The following GRM1 variants were observed in gnomAD, a reference collection of about 807,000 sequenced individuals.
The protein encoded by GRM1 is glutamate metabotropic receptor 1, also known as metabotropic glutamate receptor 1.
GRM1 carries 33 observed loss-of-function variants against 90.9 expected under a neutral mutation model. That is an observed-to-expected ratio of 0.36 (90% CI 0.28 to 0.49). The LOEUF is 0.49. Among genes scored for constraint, GRM1 ranks in the 20% least tolerant of loss-of-function variants. The pLI, the probability that GRM1 is intolerant of heterozygous loss-of-function variation, is 0.99. For missense variants in GRM1, 1,190 were observed against 1,534.3 expected (o/e 0.78, Z 3.75); for synonymous variants, 700 against 613.2 (o/e 1.14, Z -2.09).
At chr6:146,289,051 C>T (rs1467412922) in intron 2 of GRM1, among the ~76,000 whole-genome samples, 4 of 151,992 alleles carry the variant, frequency 2.6e-5, no homozygotes, top group African/African-American at 9.7e-5. Flanking sequence ...ATGACTGTTT[C>T]TTGTTTATAT....
intron 2 of GRM1, among the ~76,000 whole-genome samples, chr6:146,225,677 A>G (rs1309057165): frequency 6.6e-6 from 1 of 152,176 alleles, no homozygotes; most frequent in Non-Finnish European, 1.5e-5. Context: ...ACCAAATTTA[A>G]TAATGAAAAT....
intron 2 of GRM1, among the ~76,000 whole-genome samples, chr6:146,256,111 G>T (rs1469647371): frequency 3.9e-5 from 6 of 152,242 alleles, no homozygotes; most frequent in African/African-American, 1.4e-4. Context: ...AAGAGAATAG[G>T]CAAATAATTT....
chr6:146,421,587 T>A (rs1777994680), intron 7 of GRM1, among the ~76,000 whole-genome samples: 1 of 152,158 alleles, frequency 6.6e-6, no homozygotes, highest in African/African-American at 2.4e-5. Flanking sequence ...ATATCCTTAA[T>A]ATTTTCAAAA....
chr6:146,179,734 C>G (rs1262365894), intron 2 of GRM1, among the ~76,000 whole-genome samples: 3 of 152,172 alleles, frequency 2.0e-5, no homozygotes, highest in South Asian at 2.1e-4. Context: ...CCAGGATAGT[C>G]TCGATCTCCT....
At chr6:146,135,155 G>A (rs568322670) in intron 1 of GRM1, among the ~76,000 whole-genome samples, 4 of 152,218 alleles carry the variant, frequency 2.6e-5, no homozygotes, top group African/African-American at 7.2e-5. Flanking sequence ...AACCCTAAGA[G>A]GTGGTTACTA....
In GRM1 at chr6:146,031,582, A is replaced by G. The variant is rs573310610; in HGVS notation, c.700+1365A>G. Reference sequence around the variant, plus strand: ...TCAGATTTTGCTTTTGGAAAAAACTATCTGCTGTGATATTATAACTTTATA... The same window carrying G: ...TCAGATTTTGCTTTTGGAAAAAACTGTCTGCTGTGATATTATAACTTTATA... On this transcript the variant is annotated intron_variant, in intron 1 of 7. Coordinates refer to ENST00000282753, the MANE Select transcript of GRM1 (RefSeq NM_001278064.2). Among the ~76,000 whole-genome samples the G allele has an allele frequency of 3.5e-3, 538 of 152,288 alleles. 3 individuals carry two copies. Among genetic ancestry groups the G allele is most frequent in the African/African-American group, 0.012 (517 of 41,550 alleles).
chr6:146,086,626 G>A (rs945271705), intron 1 of GRM1, among the ~76,000 whole-genome samples: 2 of 151,890 alleles, frequency 1.3e-5, no homozygotes, highest in Admixed American at 6.6e-5. Flanking sequence ...GGGGTGTGAT[G>A]TCTCTCTCTC....
chr6:146,324,580 T>A (rs1784334503), intron 3 of GRM1, among the ~76,000 whole-genome samples: 1 of 152,348 alleles, frequency 6.6e-6, no homozygotes, highest in East Asian at 1.9e-4. Flanking sequence ...TCTCCTCATC[T>A]GTGGGTTGCA....
chr6:146,375,223 G>C (rs1012207495), intron 5 of GRM1, among the ~76,000 whole-genome samples: 1 of 151,822 alleles, frequency 6.6e-6, no homozygotes, highest in Non-Finnish European at 1.5e-5. Flanking sequence ...TTATTCTGTT[G>C]TGATCAGAGA....
Position 146,427,947 on chromosome 6 carries a change from C to A in GRM1, c.2661-5925C>A, listed in dbSNP as rs566788654. On this transcript the variant is annotated intron_variant, in intron 7 of 7. Coordinates refer to ENST00000282753, the MANE Select transcript of GRM1 (RefSeq NM_001278064.2). ...TGCTTGTCTTGTCCTGACAGCAGGGCCAGAGAGAGAGGAGAGTTGACTGAC... is the reference window on the plus strand; with the variant it reads ...TGCTTGTCTTGTCCTGACAGCAGGGACAGAGAGAGAGGAGAGTTGACTGAC... Among the ~76,000 whole-genome samples the A allele has an allele frequency of 5.9e-5, 9 of 152,128 alleles. No individual in the cohort carries two copies. The South Asian group carries it at 1.7e-3, about 28-fold the overall frequency.
chr6:146,221,938 A>T (rs1780077439), intron 2 of GRM1, among the ~76,000 whole-genome samples: 1 of 152,084 alleles, frequency 6.6e-6, no homozygotes, highest in Admixed American at 6.6e-5. Flanking sequence ...ATTTTTTCTC[A>T]ACCATTTAAG....
At chr6:146,320,628 T>C (rs1014482124) in intron 3 of GRM1, among the ~76,000 whole-genome samples, 1 of 152,140 alleles carries the variant, frequency 6.6e-6, no homozygotes, top group African/African-American at 2.4e-5. Flanking sequence ...GGCTATTAAT[T>C]ATTGCCTCAA....
In GRM1 at chr6:146,380,375, CCTTTGGCAT is replaced by C. The variant is rs1380118039; in HGVS notation, c.1603-6510_1603-6502del. Among the ~76,000 whole-genome samples, 3 of 148,654 alleles carry C rather than the reference CCTTTGGCAT, an allele frequency of 2.0e-5. No individual in the cohort carries two copies. In the East Asian group the frequency reaches 5.9e-4, roughly 29 times the overall value. ...TTCCAAAGGGCACCCATCAGAGAGC[CCTTTGGCAT>C]CTTTCCAAAGGTAGAGGAGACTCAC... On this transcript the variant is annotated intron_variant, in intron 5 of 7. Coordinates refer to ENST00000282753, the MANE Select transcript of GRM1 (RefSeq NM_001278064.2).
chr6:146,292,880 AG>A (rs1447058623), intron 2 of GRM1, among the ~76,000 whole-genome samples: 1 of 152,026 alleles, frequency 6.6e-6, no homozygotes, highest in African/African-American at 2.4e-5. Context: ...GCTCATCAGC[AG>A]ACCAATGGAT....
chr6:146,164,930 C>CTT (rs201746606), intron 2 of GRM1, among the ~76,000 whole-genome samples: 9 of 147,046 alleles, frequency 6.1e-5, no homozygotes, highest in East Asian at 3.9e-4. Flanking sequence ...CTGACTACAT[C>CTT]TTTTTTTTTT....
At chr6:146,389,485 G>A (rs1314589693) in intron 6 of GRM1, among the ~76,000 whole-genome samples, 1 of 152,066 alleles carries the variant, frequency 6.6e-6, no homozygotes, top group Non-Finnish European at 1.5e-5. Context: ...CCTTGGAGAT[G>A]CTCTATTGTG....
chr6:146,358,466 A>T (rs1463589280), intron 5 of GRM1, among the ~76,000 whole-genome samples: 1 of 152,110 alleles, frequency 6.6e-6, no homozygotes, highest in Non-Finnish European at 1.5e-5. Context: ...GACCTAATAG[A>T]TCTTTCCCAT....
intron 2 of GRM1, among the ~76,000 whole-genome samples, chr6:146,161,319 A>G (rs1196142506): frequency 6.6e-6 from 1 of 152,208 alleles, no homozygotes; most frequent in Non-Finnish European, 1.5e-5. Flanking sequence ...AAACATAATT[A>G]CACAAAATTG....
chr6:146,387,867 C>T (rs138756503), intron 6 of GRM1, among the ~76,000 whole-genome samples: 90 of 152,126 alleles, frequency 5.9e-4, no homozygotes, highest in African/African-American at 2.1e-3. Context: ...TTATGATACC[C>T]GCATTTCTGG....
Sources: allele counts gnomAD v4.1 joint callset (sites outside exome capture counted in the v4.1 genomes callset), GRCh38; gene constraint gnomAD v4.1.1; transcripts MANE v1.5; gene names NCBI Gene and HGNC (gene_info 2026-07-23, HGNC 2026-07-21).